The following TOM1L1 variants were observed in gnomAD, a reference collection of about 807,000 sequenced individuals.
The protein encoded by TOM1L1 is TOM1-like protein 1.
In TOM1L1, 64 loss-of-function variants were observed where a neutral mutation model predicts 63.4. The observed-to-expected ratio is 1.01, with a 90% CI of 0.83 to 1.24. The LOEUF (loss-of-function observed/expected upper bound fraction) is 1.24, where lower values mean the gene tolerates loss of function less well. TOM1L1 is among the 50% of genes most tolerant of loss of function. The pLI, the probability that TOM1L1 is intolerant of heterozygous loss-of-function variation, is 0.00. For synonymous variants in TOM1L1, 166 were observed against 194.4 expected (o/e 0.85, Z 1.22); for missense variants, 536 against 567.0 (o/e 0.95, Z 0.55).
At chr17:54,959,907 G>A (rs2077070214) in intron 14 of TOM1L1, among the ~76,000 whole-genome samples, 2 of 152,104 alleles carry the variant, frequency 1.3e-5, no homozygotes, top group Non-Finnish European at 2.9e-5. Flanking sequence ...GTGAGCCACT[G>A]CACTTGTCCT....
At chr17:54,907,097 A>G (rs1465927886) in intron 3 of TOM1L1, among the ~76,000 whole-genome samples, 1 of 152,092 alleles carries the variant, frequency 6.6e-6, no homozygotes, top group Non-Finnish European at 1.5e-5. Flanking sequence ...TGATCATTAA[A>G]GAAACCCTTC....
intron 7 of TOM1L1, chr17:54,916,098 C>A: frequency 2.1e-6 from 1 of 470,708 alleles, no homozygotes; most frequent in South Asian, 4.5e-5. Context: ...AAGTTATAAC[C>A]TTGGTCATGT....
In TOM1L1 at chr17:54,947,211, T is replaced by A. The variant is rs1340259889; in HGVS notation, c.1131-50T>A. On this transcript the variant is annotated intron_variant, in intron 11 of 15. Coordinates refer to ENST00000575882, the MANE Select transcript of TOM1L1 (RefSeq NM_005486.3). ...TAGGAAAATTATCTTACTTTTTGCA[T>A]TTGTGTTCTCACTGTAGGGTAATCA... 4 of 1,582,088 alleles carry A rather than the reference T, an allele frequency of 2.5e-6. No individual in the cohort carries two copies. In the South Asian group the frequency reaches 4.4e-5, roughly 18 times the overall value.
chr17:54,906,899 C>T (rs1185226798), intron 3 of TOM1L1: 2 of 740,450 alleles, frequency 2.7e-6, no homozygotes, highest in African/African-American at 3.8e-5. Context: ...CAGCCCAGCC[C>T]AAGACTGTGC....
chr17:54,960,459 G>A (rs2077090942), intron 14 of TOM1L1, 107 bp from the exon 15 acceptor site: 1 of 789,754 alleles, frequency 1.3e-6, no homozygotes, highest in Non-Finnish European at 2.3e-6. Context: ...TATGTAGCCT[G>A]AACTCCAAAA....
intron 10 of TOM1L1, chr17:54,937,827 C>CTTTGCT (rs2048975011): frequency 6.9e-6 from 1 of 144,784 alleles, no homozygotes; most frequent in Non-Finnish European, 1.5e-5. Flanking sequence ...TGTAGCAAAG[C>CTTTGCT]TTACAATGCA....
At chr17:54,933,347 C>T (rs2048894914) in intron 8 of TOM1L1, among the ~76,000 whole-genome samples, 1 of 152,206 alleles carries the variant, frequency 6.6e-6, no homozygotes, top group African/African-American at 2.4e-5. Context: ...TTCATCTGTA[C>T]AGTCCCAGAT....
chr17:54,907,669 G>A (rs1399163477), intron 3 of TOM1L1, among the ~76,000 whole-genome samples: 2 of 152,168 alleles, frequency 1.3e-5, no homozygotes, highest in Admixed American at 6.6e-5. Context: ...GGAAGGTACT[G>A]TAGAACCGGA....
chr17:54,940,685 G>A (rs2049020795), intron 11 of TOM1L1, among the ~76,000 whole-genome samples: 1 of 152,094 alleles, frequency 6.6e-6, no homozygotes, highest in East Asian at 1.9e-4. Context: ...GGAAAAAAAG[G>A]TGCTAAGTAG....
At chr17:54,914,158 G>C (rs570012839) in intron 5 of TOM1L1, among the ~76,000 whole-genome samples, 6 of 152,232 alleles carry the variant, frequency 3.9e-5, no homozygotes, top group African/African-American at 1.2e-4. Flanking sequence ...TTAATGTTGA[G>C]AAGCACTGGC....
intron 14 of TOM1L1, chr17:54,958,150 A>C (rs1352500509): frequency 1.3e-5 from 2 of 152,256 alleles, no homozygotes; most frequent in African/African-American, 4.8e-5. Flanking sequence ...TAAAACCAAG[A>C]GTAAAGAAAG....
chr17:54,928,821 T>TC (rs2048810764), intron 7 of TOM1L1, among the ~76,000 whole-genome samples: 1 of 152,214 alleles, frequency 6.6e-6, no homozygotes, highest in Non-Finnish European at 1.5e-5. Context: ...CCTTTTTTTT[T>TC]CTCTTTATGT....
intron 7 of TOM1L1, among the ~76,000 whole-genome samples, chr17:54,918,117 TC>T (rs1237397936): frequency 2.6e-5 from 4 of 152,154 alleles, no homozygotes; most frequent in African/African-American, 9.7e-5. Flanking sequence ...TCATATTCCT[TC>T]CATGTTCTAG....
At chr17:54,928,754 T>G (rs1383358457) in intron 7 of TOM1L1, among the ~76,000 whole-genome samples, 1 of 152,180 alleles carries the variant, frequency 6.6e-6, no homozygotes, top group African/African-American at 2.4e-5. Flanking sequence ...ATAGGATGGT[T>G]TTTCTGGCCG....
In TOM1L1 at chr17:54,937,156, T is replaced by TCCCAGTCCC; in HGVS notation, c.965_973dup (p.Pro322_Pro324dup). 6.2e-7 allele frequency: 1 copy of TCCCAGTCCC among 1,613,744 alleles called. No homozygotes were observed. ...CATCTCAAGATCTCCTCGACCTAAG[T>TCCCAGTCCC]CCCAGTCCCCGGATGCCTAGGGCCA... On this transcript the variant is annotated inframe_insertion, in exon 10 of 16. Coordinates refer to ENST00000575882, the MANE Select transcript of TOM1L1 (RefSeq NM_005486.3).
At chr17:54,906,370 G>T (rs912278020) in intron 3 of TOM1L1, among the ~76,000 whole-genome samples, 1 of 151,812 alleles carries the variant, frequency 6.6e-6, no homozygotes, top group African/African-American at 2.4e-5. Context: ...TTGGGAGTCT[G>T]AGACAGGAGA....
At chr17:54,948,636 A>G (rs1478245581) in intron 12 of TOM1L1, among the ~76,000 whole-genome samples, 1 of 152,228 alleles carries the variant, frequency 6.6e-6, no homozygotes, top group Admixed American at 6.5e-5. Context: ...ATATTAGAGC[A>G]CATGCCATTG....
At chr17:54,947,505 T>C (rs2049140373) in intron 12 of TOM1L1, among the ~76,000 whole-genome samples, 193 bp downstream of exon 12, 1 of 152,246 alleles carries the variant, frequency 6.6e-6, no homozygotes, top group Non-Finnish European at 1.5e-5. Context: ...CCTTGTATTC[T>C]CTTTGACTTC....
At chr17:54,901,012 A>G in intron 1 of TOM1L1, 89 bp downstream of exon 1, 1 of 1,558,888 alleles carries the variant, frequency 6.4e-7, no homozygotes, top group South Asian at 1.1e-5. Context: ...CAGAGGACGG[A>G]GTTAGTCCAA....
Sources: gnomAD v4.1 joint callset for allele counts (sites outside exome capture counted in the v4.1 genomes callset) on GRCh38, gnomAD v4.1.1 for gene constraint, MANE v1.5 for transcripts, NCBI Gene and HGNC (gene_info 2026-07-23, HGNC 2026-07-21) for gene names.